KLF12: variants seen among roughly 807,000 people sequenced by gnomAD.
The protein encoded by KLF12 is Krueppel-like factor 12.
KLF12 carries 9 observed loss-of-function variants against 37.8 expected under a neutral mutation model. The ratio of observed to expected loss-of-function variants is 0.24; its 90% CI spans 0.14 to 0.42. The LOEUF (loss-of-function observed/expected upper bound fraction) is 0.42. Among genes scored for constraint, KLF12 ranks in the 10% least tolerant of loss-of-function variants. KLF12 has a pLI of 1.00. For missense variants in KLF12, 411 were observed against 516.0 expected, an observed-to-expected ratio of 0.80 and a Z score of 1.97; for synonymous variants, 208 against 202.1, an observed-to-expected ratio of 1.03 and a Z score of -0.25.
At chr13:74,229,696 G>GGTAC in the KLF12 span, among the ~76,000 whole-genome samples, 209 of 152,176 alleles carry the variant, frequency 1.4e-3, 1 homozygote, top group African/African-American at 4.7e-3. Context: ...TTTTTTCATA[G>GGTAC]GTACTGTGGG....
At chr13:74,009,828 T>G (rs1211264313) in intron 1 of KLF12, among the ~76,000 whole-genome samples, 1 of 152,232 alleles carries the variant, frequency 6.6e-6, no homozygotes, top group African/African-American at 2.4e-5. Flanking sequence ...CAGGAGCCAC[T>G]GGCAGACTGA....
intron 1 of KLF12, among the ~76,000 whole-genome samples, chr13:74,038,723 G>T (rs1478785590): frequency 6.6e-6 from 1 of 152,260 alleles, no homozygotes; most frequent in Non-Finnish European, 1.5e-5. Flanking sequence ...TCAGGACAAA[G>T]AAATGTTCAG....
At chr13:74,275,584 T>G in the KLF12 span, among the ~76,000 whole-genome samples, 2 of 152,184 alleles carry the variant, frequency 1.3e-5, no homozygotes, top group Non-Finnish European at 2.9e-5. Flanking sequence ...AAATACAGTA[T>G]GGTTTAATTA....
At chr13:74,210,286 G>C in the KLF12 span, among the ~76,000 whole-genome samples, 5 of 152,100 alleles carry the variant, frequency 3.3e-5, no homozygotes, top group African/African-American at 1.2e-4. Context: ...AATTATTATG[G>C]TGAATGAAGA....
intron 5 of KLF12, among the ~76,000 whole-genome samples, chr13:73,781,654 T>C (rs1467753790): frequency 6.6e-6 from 1 of 152,198 alleles, no homozygotes; most frequent in African/African-American, 2.4e-5. Flanking sequence ...ATCCTTATTA[T>C]TTAGCTTTAT....
At chr13:73,931,446 C>T (rs575395760) in intron 3 of KLF12, among the ~76,000 whole-genome samples, 51 of 152,108 alleles carry the variant, frequency 3.4e-4, no homozygotes, top group South Asian at 1.2e-3. Context: ...AAGATTAAGG[C>T]AAAATCTCTA....
At chr13:74,244,726 T>C in the KLF12 span, among the ~76,000 whole-genome samples, 1 of 152,212 alleles carries the variant, frequency 6.6e-6, no homozygotes, top group Non-Finnish European at 1.5e-5. Flanking sequence ...TGGATTCTAA[T>C]GTGTATTGTC....
the KLF12 span, among the ~76,000 whole-genome samples, chr13:74,222,890 A>G: frequency 6.6e-6 from 1 of 152,226 alleles, no homozygotes. Flanking sequence ...CCAAATACAA[A>G]CTCAAACAAT....
At chr13:73,920,748 ATC>A (rs372843330) in intron 3 of KLF12, among the ~76,000 whole-genome samples, 1 of 151,950 alleles carries the variant, frequency 6.6e-6, no homozygotes, top group East Asian at 1.9e-4. Context: ...CTCAAGAGTC[ATC>A]TCTCTCTCTC....
chr13:74,136,518 G>T (rs1444790674), upstream of KLF12, among the ~76,000 whole-genome samples: 1 of 152,228 alleles, frequency 6.6e-6, no homozygotes, highest in African/African-American at 2.4e-5. Flanking sequence ...GATGCTGTAA[G>T]AAATTATGTC....
the KLF12 span, among the ~76,000 whole-genome samples, chr13:74,278,696 C>G: frequency 2.0e-5 from 3 of 152,174 alleles, no homozygotes; most frequent in Non-Finnish European, 4.4e-5. Context: ...CCTTTTCTCA[C>G]CTTTTCCTAA....
At chr13:74,105,372 T>C (rs1265787272) in intron 1 of KLF12, among the ~76,000 whole-genome samples, 1 of 152,136 alleles carries the variant, frequency 6.6e-6, no homozygotes. Context: ...TAAATAAATT[T>C]TTAAAAAATA....
intron 1 of KLF12, among the ~76,000 whole-genome samples, chr13:74,123,830 A>G (rs939967437): frequency 6.6e-6 from 1 of 152,198 alleles, no homozygotes; most frequent in African/African-American, 2.4e-5. Flanking sequence ...ATGGGAAAAA[A>G]CTATTTTACT....
chr13:73,741,086 T>C (rs1453287259), intron 6 of KLF12, among the ~76,000 whole-genome samples: 1 of 152,248 alleles, frequency 6.6e-6, no homozygotes, highest in Admixed American at 6.5e-5. Flanking sequence ...AACATCGTTC[T>C]GCTGAAGAGT....
intron 5 of KLF12, among the ~76,000 whole-genome samples, chr13:73,799,410 AAAAAG>A (rs1882166888): frequency 6.6e-6 from 1 of 152,104 alleles, no homozygotes; most frequent in Non-Finnish European, 1.5e-5. Context: ...AACCTAAAAT[AAAAAG>A]AAATGAAAAA....
At chr13:74,254,477 G>C in the KLF12 span, among the ~76,000 whole-genome samples, 37 of 152,250 alleles carry the variant, frequency 2.4e-4, no homozygotes, top group East Asian at 2.5e-3. Flanking sequence ...AATAAGGCAG[G>C]CATTATTAAT....
the KLF12 span, among the ~76,000 whole-genome samples, chr13:74,181,712 CA>C: frequency 0.23 from 24,597 of 105,608 alleles, 2,971 homozygotes; most frequent in African/African-American, 0.41. Context: ...AAAAAAAAAA[CA>C]AAAAAAAAAA....
At chr13:73,954,448 A>T (rs1890765076) in intron 2 of KLF12, among the ~76,000 whole-genome samples, 1 of 152,198 alleles carries the variant, frequency 6.6e-6, no homozygotes, top group African/African-American at 2.4e-5. Context: ...AGGCAGAAAA[A>T]ATGATCTTTA....
chr13:73,863,795 T>A lies in KLF12; in HGVS notation c.124-17422A>T, dbSNP rs148256242. Reference sequence around the variant, plus strand: ...TCAGGAATTCAAACTTTTGGTAGGTTTTTTAGAAGGTAATAGCACCCCGCC... The same window carrying A: ...TCAGGAATTCAAACTTTTGGTAGGTATTTTAGAAGGTAATAGCACCCCGCC... On this transcript the variant is annotated intron_variant, in intron 3 of 7. Coordinates refer to ENST00000377669, the MANE Select transcript of KLF12 (RefSeq NM_007249.5). Among the ~76,000 whole-genome samples the A allele has an allele frequency of 1.8e-3, 273 of 152,238 alleles. 2 individuals carry two copies. The highest frequency in any genetic ancestry group is 6.3e-3 in the African/African-American group (261 of 41,556).
Sources: allele counts gnomAD v4.1 joint callset (sites outside exome capture counted in the v4.1 genomes callset), GRCh38; gene constraint gnomAD v4.1.1; transcripts MANE v1.5; gene names NCBI Gene and HGNC (gene_info 2026-07-23, HGNC 2026-07-21).